The following MPDZ variants were observed in gnomAD, a reference collection of about 807,000 sequenced individuals.
MPDZ encodes multiple PDZ domain crumbs cell polarity complex component, also known as multiple PDZ domain protein.
A neutral mutation model predicts 239.1 loss-of-function variants in MPDZ; 234 were observed. That is an observed-to-expected ratio of 0.98 (90% CI 0.88 to 1.09). MPDZ has a LOEUF of 1.09. Among genes scored for constraint, MPDZ ranks in the 50% least tolerant of loss-of-function variants. The pLI, the probability that MPDZ is intolerant of heterozygous loss-of-function variation, is 0.00. For missense variants in MPDZ, 3,175 were observed against 2,510.0 expected (o/e 1.26, Z -5.66); for synonymous variants, 1,048 against 881.3 (o/e 1.19, Z -3.35).
chr9:13,225,761 C>T (rs751229545), intron 3 of MPDZ, among the ~76,000 whole-genome samples: 16 of 151,986 alleles, frequency 1.1e-4, no homozygotes, highest in Non-Finnish European at 2.4e-4. Flanking sequence ...GTATACCCTA[C>T]GATGTTTGCA....
At position 13,224,475 on chromosome 9, in the gene MPDZ, T is replaced by C. The variant is rs2136391953; in HGVS notation, c.292A>G (p.Asn98Asp). Residue 98 changes from asparagine (N) to aspartate (D), a missense_variant, in exon 4 of 47, where the codon AAC becomes GAC. Transcript: ENST00000319217. ...GTAAGTGCTTCCAGATTCCCATTGT[T>C]TGGGGATAATAAAAACGATTCATTT... ...LQNESFLLSP[N>D]NGNLEALTGP... 6.2e-7 allele frequency: 1 copy of C among 1,612,830 alleles called. No individual in the cohort carries two copies. Among genetic ancestry groups the C allele is most frequent in the East Asian group, 2.2e-5 (1 of 44,806 alleles).
intron 32 of MPDZ, among the ~76,000 whole-genome samples, chr9:13,130,209 T>C (rs1051499463): frequency 2.0e-5 from 3 of 152,192 alleles, no homozygotes; most frequent in Non-Finnish European, 4.4e-5. Flanking sequence ...TTAGATTCTA[T>C]GTATGAGAGC....
chr9:13,192,066 A>C lies in MPDZ; in HGVS notation c.1968+65T>G, dbSNP rs527825716. 3.0e-6 allele frequency: 4 copies of C among 1,325,200 alleles called. No homozygotes were observed. The East Asian group carries it at 1.1e-4, about 35-fold the overall frequency. The allele number at this position is 1,325,200 out of a possible 1,614,324, so 82.1% of individuals were successfully genotyped here. On this transcript the variant is annotated intron_variant, in intron 15 of 46. Coordinates refer to ENST00000319217, the MANE Select transcript of MPDZ (RefSeq NM_001378778.1). ...ATACCAAATTGAAAAATGCTTAAAA[A>C]ATTTTAAGCCATTTAGCCTTTCCAT...
chr9:13,155,556 T>C (rs893211922), intron 24 of MPDZ, among the ~76,000 whole-genome samples: 1 of 152,062 alleles, frequency 6.6e-6, no homozygotes, highest in Non-Finnish European at 1.5e-5. Context: ...GAGAGAAAAA[T>C]TAAGCAAAAT....
rs114863050 is a variant in MPDZ, at chr9:13,254,447, G to T, written c.-57-4075C>A. 5.5e-3 allele frequency among the ~76,000 whole-genome samples: 834 copies of T among 152,074 alleles called. 5 individuals are homozygous for T. Among genetic ancestry groups the T allele is most frequent in the African/African-American group, 0.018 (748 of 41,472 alleles). On this transcript the variant is annotated intron_variant, in intron 1 of 46. Coordinates refer to ENST00000319217, the MANE Select transcript of MPDZ (RefSeq NM_001378778.1). ...GGTACTAAATCCCTCAACACAAAGA[G>T]AATTAAGAATACACAGTATATTGTT...
chr9:13,259,705 A>G (rs982190299), intron 1 of MPDZ, among the ~76,000 whole-genome samples: 3 of 152,132 alleles, frequency 2.0e-5, no homozygotes, highest in African/African-American at 4.8e-5. Flanking sequence ...TGAGCACTGC[A>G]TGTAGTTTCT....
intron 17 of MPDZ, among the ~76,000 whole-genome samples, chr9:13,188,283 T>A (rs1954409993): frequency 6.6e-6 from 1 of 152,048 alleles, no homozygotes; most frequent in Non-Finnish European, 1.5e-5. Context: ...TTTGGGAGGC[T>A]GAGGTAGGGG....
At chr9:13,196,581 G>A (rs1423876858) in intron 12 of MPDZ, among the ~76,000 whole-genome samples, 1 of 152,010 alleles carries the variant, frequency 6.6e-6, no homozygotes, top group East Asian at 1.9e-4. Context: ...CGTCTTCAAT[G>A]TTCTCTGTTT....
chr9:13,131,958 C>G (rs2132055198), intron 32 of MPDZ, among the ~76,000 whole-genome samples: 1 of 152,280 alleles, frequency 6.6e-6, no homozygotes, highest in African/African-American at 2.4e-5. Context: ...TTAATTGCCT[C>G]TTCTGTCTAG....
At chr9:13,265,142 T>G (rs1448455175) in intron 1 of MPDZ, among the ~76,000 whole-genome samples, 1 of 152,172 alleles carries the variant, frequency 6.6e-6, no homozygotes. Flanking sequence ...AAGACTTAAC[T>G]TTGTGCCACA....
At chr9:13,128,378 T>A (rs1016334698) in intron 32 of MPDZ, among the ~76,000 whole-genome samples, 2 of 152,218 alleles carry the variant, frequency 1.3e-5, no homozygotes, top group African/African-American at 4.8e-5. Context: ...CAGCCCCATT[T>A]AGAAGAAATA....
intron 7 of MPDZ, 62 bp downstream of exon 7, chr9:13,221,310 T>A: frequency 6.9e-7 from 1 of 1,442,882 alleles, no homozygotes; most frequent in Non-Finnish European, 9.2e-7. Flanking sequence ...AACAAAAAAA[T>A]GTAAAAGATG....
intron 25 of MPDZ, among the ~76,000 whole-genome samples, chr9:13,149,624 G>C (rs1587267305): frequency 6.6e-6 from 1 of 152,050 alleles, no homozygotes; most frequent in South Asian, 2.1e-4. Context: ...GGCAGGCACA[G>C]TGCCTTGTTT....
At position 13,222,439 on chromosome 9, in the gene MPDZ, T is replaced by G. The variant is rs770383230; in HGVS notation, c.541A>C (p.Arg181=). The change falls in exon 6 of 47, where the codon AGA becomes CGA. Residue 181 remains arginine (R), a synonymous_variant. Coordinates refer to ENST00000319217, the MANE Select transcript of MPDZ (RefSeq NM_001378778.1). ...QEGSVAHRDG[R]LKETDQILAI... is the part of the protein sequence containing the mutation. ...AGAATTTGATCAGTTTCTTTCAATC[T>G]TCCATCTCTATCAAGGATGCAAAAG... The G allele has an allele frequency of 8.1e-6, 13 of 1,611,214 alleles. No homozygotes were observed. The East Asian group carries it at 2.9e-4, about 36-fold the overall frequency.
At chr9:13,209,757 C>T (rs1159914897) in intron 10 of MPDZ, among the ~76,000 whole-genome samples, 5 of 151,684 alleles carry the variant, frequency 3.3e-5, no homozygotes, top group Non-Finnish European at 5.9e-5. Context: ...TATCTACCCC[C>T]CAAAAAAAAG....
intron 42 of MPDZ, among the ~76,000 whole-genome samples, chr9:13,112,586 G>A (rs1056626557): frequency 3.3e-5 from 5 of 152,186 alleles, no homozygotes; most frequent in African/African-American, 1.2e-4. Flanking sequence ...AATATTAAAT[G>A]ACATGATGAT....
chr9:13,271,511 G>A (rs139447380), intron 1 of MPDZ, among the ~76,000 whole-genome samples: 1 of 152,292 alleles, frequency 6.6e-6, no homozygotes, highest in East Asian at 1.9e-4. Context: ...TCCCTTACCA[G>A]TGAGAACAAC....
chr9:13,274,092 G>A (rs1973620137), intron 1 of MPDZ, among the ~76,000 whole-genome samples: 1 of 152,100 alleles, frequency 6.6e-6, no homozygotes, highest in Non-Finnish European at 1.5e-5. Flanking sequence ...TCTTGTGGGA[G>A]TGGTATCTGG....
chr9:13,187,221 T>C (rs1426328287), intron 17 of MPDZ, among the ~76,000 whole-genome samples: 1 of 152,142 alleles, frequency 6.6e-6, no homozygotes, highest in African/African-American at 2.4e-5. Context: ...TAGAGGTATT[T>C]ATCATATGCT....
Sources: allele counts gnomAD v4.1 joint callset (sites outside exome capture counted in the v4.1 genomes callset), GRCh38; gene constraint gnomAD v4.1.1; transcripts MANE v1.5; gene names NCBI Gene and HGNC (gene_info 2026-07-23, HGNC 2026-07-21).